The following LOXHD1 variants were observed in gnomAD, a reference collection of about 807,000 sequenced individuals.
LOXHD1 encodes lipoxygenase homology domain-containing protein 1.
In LOXHD1, 205 loss-of-function variants were observed where a neutral mutation model predicts 248.2. The ratio of observed to expected loss-of-function variants is 0.83; its 90% CI spans 0.74 to 0.93. LOXHD1 has a LOEUF of 0.93. Ranked by LOEUF, LOXHD1 falls within the 40% of genes least tolerant of loss-of-function variation. LOXHD1 has a pLI of 0.00. For synonymous variants in LOXHD1, 1,113 were observed against 1,162.8 expected (o/e 0.96, Z 0.87); for missense variants, 2,930 against 2,971.6 (o/e 0.99, Z 0.33).
Position 46,477,936 on chromosome 18 carries a change from C to A in LOXHD1, c.6358G>T (p.Asp2120Tyr), listed in dbSNP as rs1244427457. 1 of 1,549,620 alleles carries A rather than the reference C, an allele frequency of 6.5e-7. No homozygotes were observed. The highest frequency in any genetic ancestry group is 8.7e-7 in the Non-Finnish European group (1 of 1,145,172). ...EYGNVYFFNC[D>Y]CLIPLKRKRK... Reference sequence around the variant, plus strand: ...TTCCTCTTGAGGGGGATGAGGCAGTCACAGTTAAAGAAGTACCTGGCAGAG... The same window carrying A: ...TTCCTCTTGAGGGGGATGAGGCAGTAACAGTTAAAGAAGTACCTGGCAGAG... The change falls in exon 41 of 41, where the codon GAC becomes TAC. Residue 2120 changes from aspartate (D) to tyrosine (Y), a missense_variant. Physicochemically the swap from Asp to Tyr is radical, Grantham distance 160. Coordinates refer to ENST00000642948, the MANE Select transcript of LOXHD1 (RefSeq NM_001384474.1).
chr18:46,493,160 C>G (rs985119906), intron 37 of LOXHD1, among the ~76,000 whole-genome samples: 1 of 152,186 alleles, frequency 6.6e-6, no homozygotes, highest in African/African-American at 2.4e-5. Context: ...ATATATGAAG[C>G]CCTCTCTTTT....
chr18:46,563,805 T>G (rs909591158), intron 17 of LOXHD1, among the ~76,000 whole-genome samples: 1 of 152,062 alleles, frequency 6.6e-6, no homozygotes, highest in African/African-American at 2.4e-5. Flanking sequence ...AAGGAAATTG[T>G]GGCACACAGA....
At position 46,579,648 on chromosome 18, in the gene LOXHD1, G is replaced by T. The variant is rs1006329495; in HGVS notation, c.1791C>A (p.Asp597Glu). Residue 597 changes from aspartate to glutamate, a missense_variant, in exon 13 of 41, where the codon GAC becomes GAA. Transcript: ENST00000642948. ...RLLYNCRNNT[D>E]LFEKGNADEF... ...AACTTACATTGCCCTTTTCAAACAG[G>T]TCTGTGTTATTCCTGCAGTTGTAGA... The T allele has an allele frequency of 1.3e-6, 2 of 1,551,574 alleles. No homozygotes were observed. Among genetic ancestry groups the T allele is most frequent in the East Asian group, 2.4e-5 (1 of 40,934 alleles).
chr18:46,541,831 C>CCCGT lies in LOXHD1; in HGVS notation c.3854_3857dup (p.Ser1287ArgfsTer31). On this transcript the variant is annotated frameshift_variant, in exon 25 of 41. Transcript: ENST00000642948. LOFTEE classifies it high-confidence loss of function. ...CATGGAAGAGGTCTCTGATGATGGACCCGTCGTCTTCGTTTTTGGCCAGCC... is the reference window on the plus strand; with the variant it reads ...CATGGAAGAGGTCTCTGATGATGGACCCGTCCGTCGTCTTCGTTTTTGGCCAGCC... 6.4e-7 allele frequency: 1 copy of CCCGT among 1,551,732 alleles called. No homozygotes were observed. The highest frequency in any genetic ancestry group is 8.7e-7 in the Non-Finnish European group (1 of 1,147,002).
chr18:46,652,933 T>C (rs1038280592), intron 1 of LOXHD1, among the ~76,000 whole-genome samples: 4 of 152,198 alleles, frequency 2.6e-5, no homozygotes, highest in Admixed American at 6.5e-5. Flanking sequence ...CACACAAATG[T>C]GCACACTGTA....
Position 46,583,966 on chromosome 18 carries a change from C to T in LOXHD1, c.1655-4182G>A, listed in dbSNP as rs149514208. 2.6e-3 allele frequency among the ~76,000 whole-genome samples: 398 copies of T among 151,878 alleles called. 4 individuals carry two copies. The highest frequency in any genetic ancestry group is 8.8e-3 in the African/African-American group (365 of 41,422). ...ACCTAAGTGTCCAACAATGGATGAA[C>T]GGATAAAGAAAATATGGTATACATA... On this transcript the variant is annotated intron_variant, in intron 12 of 40. Transcript: ENST00000642948.
At position 46,519,298 on chromosome 18, in the gene LOXHD1, A is replaced by C. The variant is rs1236392431; in HGVS notation, c.5272-1042T>G. On this transcript the variant is annotated intron_variant, in intron 33 of 40. Transcript: ENST00000642948. ...GTGTCCCTTCTCTGGAGGCTGCTAC[A>C]TTCCTCTATCACCTGTGCAGGGGCC... Among the ~76,000 whole-genome samples, 10 of 152,258 alleles carry C rather than the reference A, an allele frequency of 6.6e-5. No homozygotes were observed. In the East Asian group the frequency reaches 1.9e-3, roughly 29 times the overall value.
chr18:46,625,196 A>G (rs2038723620), intron 4 of LOXHD1, among the ~76,000 whole-genome samples: 1 of 152,132 alleles, frequency 6.6e-6, no homozygotes, highest in East Asian at 1.9e-4. Flanking sequence ...AGGTTCTCTC[A>G]AAAGTTCCCA....
chr18:46,502,461 CT>C (rs2034295093), intron 37 of LOXHD1, among the ~76,000 whole-genome samples: 1 of 152,142 alleles, frequency 6.6e-6, no homozygotes, highest in South Asian at 2.1e-4. Context: ...AACTCTCTAC[CT>C]TTTATTGATG....
intron 37 of LOXHD1, among the ~76,000 whole-genome samples, chr18:46,499,812 AT>A (rs1357155646): frequency 6.6e-6 from 1 of 152,180 alleles, no homozygotes; most frequent in African/African-American, 2.4e-5. Context: ...GTACAACGAC[AT>A]TTTTAAGCAA....
At chr18:46,529,359 G>A in intron 28 of LOXHD1, 28 bp from the exon 29 acceptor site, 1 of 1,514,916 alleles carries the variant, frequency 6.6e-7, no homozygotes, top group Non-Finnish European at 8.9e-7. Flanking sequence ...CAGACAGACA[G>A]ACAAAGGGAA....
intron 5 of LOXHD1, among the ~76,000 whole-genome samples, chr18:46,612,065 CTTTAG>C (rs1236400857): frequency 2.0e-5 from 3 of 152,280 alleles, no homozygotes; most frequent in Admixed American, 6.5e-5. Context: ...ATAGTCATAA[CTTTAG>C]TTTATTCATC....
chr18:46,606,353 C>A (rs1385240029), intron 6 of LOXHD1, among the ~76,000 whole-genome samples: 1 of 151,984 alleles, frequency 6.6e-6, no homozygotes, highest in Non-Finnish European at 1.5e-5. Flanking sequence ...CACACACACA[C>A]ACACACACAG....
In LOXHD1 at chr18:46,524,771, T is replaced by C. The variant is rs373765852; in HGVS notation, c.4677A>G (p.Leu1559=). The stretch of plus-strand genomic sequence containing the variant: ...TCTTCAGGGAGAGCCAGCGCCCGCA[T>C]AGGAACAGGAACTCGTCCTCGTTGG... ...NDTNEDEFLF[L]CGRWLSLKKE... is the part of the protein sequence containing the mutation. The change falls in exon 30 of 41, where the codon CTA becomes CTG. Residue 1559 remains leucine, a synonymous_variant. Coordinates refer to ENST00000642948, the MANE Select transcript of LOXHD1 (RefSeq NM_001384474.1). 36 of 1,551,746 alleles carry C rather than the reference T, an allele frequency of 2.3e-5. No homozygotes were observed. The highest frequency in any genetic ancestry group is 2.0e-4 in the African/African-American group (15 of 73,172).
Position 46,522,153 on chromosome 18 carries a change from AC to A in LOXHD1, c.5032del (p.Val1678TrpfsTer17). 6.4e-7 allele frequency: 1 copy of A among 1,551,516 alleles called. No homozygotes were observed. ...CAAGCCTGCGACGTAGAACTCCTCC[AC>A]AGAGCCACGGCTGAAGCCCCTCTTC... ...RGKRGFSRGS[V>X]EEFYVAGLDV... is the part of the protein sequence containing the mutation. On this transcript the variant is annotated frameshift_variant, in exon 32 of 41. Coordinates refer to ENST00000642948, the MANE Select transcript of LOXHD1 (RefSeq NM_001384474.1). LOFTEE classifies it high-confidence loss of function.
intron 40 of LOXHD1, among the ~76,000 whole-genome samples, chr18:46,483,287 C>T (rs942707470): frequency 6.6e-6 from 1 of 152,130 alleles, no homozygotes; most frequent in Admixed American, 6.5e-5. Context: ...AGTCTCTGCT[C>T]TCTGGCACTG....
chr18:46,649,218 G>A lies in LOXHD1; in HGVS notation c.182C>T (p.Ala61Val), dbSNP rs752392154. 12 of 1,551,808 alleles carry A rather than the reference G, an allele frequency of 7.7e-6. No homozygotes were observed. The South Asian group carries it at 1.3e-4, about 17-fold the overall frequency. ...TGDVRGAGTD[A>V]NVFITLFGEN... ...TCCAAAAAGCGTGATGAAGACATTGGCATCCGTCCCTGCACCGCGAACATC... is the reference window on the plus strand; with the variant it reads ...TCCAAAAAGCGTGATGAAGACATTGACATCCGTCCCTGCACCGCGAACATC... Residue 61 changes from alanine to valine, a missense_variant, in exon 2 of 41, where the codon GCC becomes GTC. Coordinates refer to ENST00000642948, the MANE Select transcript of LOXHD1 (RefSeq NM_001384474.1).
In LOXHD1 at chr18:46,656,781, T is replaced by C; in HGVS notation, c.130+123A>G. On this transcript the variant is annotated intron_variant, in intron 1 of 40. Coordinates refer to ENST00000642948, the MANE Select transcript of LOXHD1 (RefSeq NM_001384474.1). ...TCCGAGGGGATATGGAACAGACACA[T>C]GGGATAATCAGTGAGGAAGGGCTTG... The C allele has an allele frequency of 2.7e-6, 3 of 1,123,008 alleles. No homozygotes were observed. The African/African-American group carries it at 4.6e-5, about 17-fold the overall frequency. The allele number at this position is 1,123,008 out of a possible 1,614,324, so 69.6% of individuals were successfully genotyped here.
intron 15 of LOXHD1, among the ~76,000 whole-genome samples, chr18:46,571,576 T>G (rs973855425): frequency 1.3e-5 from 2 of 152,256 alleles, no homozygotes; most frequent in African/African-American, 4.8e-5. Context: ...TCTGGGATTA[T>G]TGCAGAGCTC....
Sources: allele counts gnomAD v4.1 joint callset (sites outside exome capture counted in the v4.1 genomes callset), GRCh38; gene constraint gnomAD v4.1.1; transcripts MANE v1.5; gene names NCBI Gene and HGNC (gene_info 2026-07-23, HGNC 2026-07-21).